ERO1A: variants seen among roughly 807,000 people sequenced by gnomAD.
ERO1A encodes endoplasmic reticulum oxidoreductase 1 alpha, also known as ERO1-like protein alpha.
ERO1A carries 49 observed loss-of-function variants against 76.9 expected under a neutral mutation model. The observed-to-expected ratio is 0.64, with a 90% CI of 0.51 to 0.81. The LOEUF (loss-of-function observed/expected upper bound fraction) is 0.81, where lower values mean the gene tolerates loss of function less well. Among genes scored for constraint, ERO1A ranks in the 30% least tolerant of loss-of-function variants. The pLI, the probability that ERO1A is intolerant of heterozygous loss-of-function variation, is 0.00. For synonymous variants in ERO1A, 174 were observed against 181.2 expected (o/e 0.96, Z 0.32); for missense variants, 448 against 542.1 (o/e 0.83, Z 1.72).
chr14:52,656,091 C>A (rs908659551), intron 11 of ERO1A, among the ~76,000 whole-genome samples: 2 of 152,134 alleles, frequency 1.3e-5, no homozygotes, highest in Non-Finnish European at 2.9e-5. Flanking sequence ...TCTTGAACTT[C>A]TATTAACTAT....
chr14:52,695,433 G>T lies in ERO1A; in HGVS notation c.49C>A (p.Leu17Met). 6.4e-7 allele frequency: 1 copy of T among 1,552,556 alleles called. No individual in the cohort carries two copies. ...FLFGLLGAVWLLSSGHGEEQP... is the reference protein window; with the variant it reads ...FLFGLLGAVWMLSSGHGEEQP... ...TCCTCTCCGTGGCCCGAGCTGAGCA[G>T]CCACACGGCGCCCAGGAGGCCAAAC... The change falls in exon 1 of 16, where the codon CTG becomes ATG. Residue 17 changes from leucine (L) to methionine (M), a missense_variant. Leu to Met is a conservative substitution (Grantham distance 15). This residue lies in a region of ERO1A where 146 missense variants were observed against 130.2 expected (regional missense o/e 1.12). Coordinates refer to ENST00000395686, the MANE Select transcript of ERO1A (RefSeq NM_014584.3).
At chr14:52,651,086 T>G (rs1030031042) in intron 13 of ERO1A, among the ~76,000 whole-genome samples, 5 of 110,554 alleles carry the variant, frequency 4.5e-5, no homozygotes, top group African/African-American at 1.1e-4. Context: ...CTGGGCAACA[T>G]AGCAAAACCC....
chr14:52,655,343 C>T (rs1302411372), intron 11 of ERO1A, among the ~76,000 whole-genome samples: 1 of 150,850 alleles, frequency 6.6e-6, no homozygotes, highest in Non-Finnish European at 1.5e-5. Context: ...CCAGCCTGGG[C>T]GACAGAGCAA....
At chr14:52,693,505 T>C (rs2041428234) in intron 1 of ERO1A, among the ~76,000 whole-genome samples, 2 of 152,142 alleles carry the variant, frequency 1.3e-5, no homozygotes, top group Non-Finnish European at 2.9e-5. Flanking sequence ...TCCCTTTATA[T>C]ATATATTCCA....
intron 9 of ERO1A, 162 bp from the exon 10 acceptor site, chr14:52,658,312 A>G (rs936530410): frequency 5.1e-6 from 3 of 587,910 alleles, no homozygotes; most frequent in Non-Finnish European, 9.1e-6. Flanking sequence ...AAGGAAGAAG[A>G]AAGGTTATGG....
At chr14:52,654,329 GA>G (rs2039974274) in intron 11 of ERO1A, among the ~76,000 whole-genome samples, 2 of 152,048 alleles carry the variant, frequency 1.3e-5, no homozygotes, top group Non-Finnish European at 2.9e-5. Flanking sequence ...ACAATTTTTA[GA>G]TGTATTTCCA....
chr14:52,645,156 AAAC>A (rs1226535547), intron 15 of ERO1A, among the ~76,000 whole-genome samples: 1 of 152,228 alleles, frequency 6.6e-6, no homozygotes, highest in African/African-American at 2.4e-5. Context: ...CACCTATGTT[AAAC>A]AACATGATTT....
chr14:52,691,652 G>C (rs1231103397), intron 1 of ERO1A, among the ~76,000 whole-genome samples: 1 of 152,164 alleles, frequency 6.6e-6, no homozygotes, highest in Non-Finnish European at 1.5e-5. Flanking sequence ...TGCGCTCCAA[G>C]CTAAAAAAGA....
intron 2 of ERO1A, among the ~76,000 whole-genome samples, chr14:52,683,243 C>A (rs1237045515): frequency 1.3e-5 from 2 of 151,822 alleles, no homozygotes; most frequent in Non-Finnish European, 2.9e-5. Flanking sequence ...ACTAAATAGA[C>A]CCTGAACAGA....
Position 52,646,276 on chromosome 14 carries a change from CA to C in ERO1A, c.1223del (p.Leu408TrpfsTer5). ...AAAATAAGATCTTCAGAGCAGTGCCCAAACCCTGAGTCTGTAATAGAAATAA... is the reference window on the plus strand; with the variant it reads ...AAAATAAGATCTTCAGAGCAGTGCCCAACCCTGAGTCTGTAATAGAAATAA... ...RLWGKLQTQG[L>X]GTALKILFSE... On this transcript the variant is annotated frameshift_variant, in exon 15 of 16. Transcript: ENST00000395686. LOFTEE classifies it high-confidence loss of function. 6.2e-7 allele frequency: 1 copy of C among 1,611,090 alleles called. No homozygotes were observed. Among genetic ancestry groups the C allele is most frequent in the South Asian group, 1.1e-5 (1 of 90,158 alleles).
At chr14:52,657,203 G>A (rs1482964053) in intron 11 of ERO1A, among the ~76,000 whole-genome samples, 4 of 152,112 alleles carry the variant, frequency 2.6e-5, no homozygotes, top group Admixed American at 2.6e-4. Flanking sequence ...AATAAAAAGT[G>A]GACTATAAAT....
chr14:52,653,819 T>C (rs775896410), intron 11 of ERO1A, among the ~76,000 whole-genome samples: 46 of 151,984 alleles, frequency 3.0e-4, no homozygotes, highest in Non-Finnish European at 5.9e-4. Context: ...TGCTTAAACA[T>C]TTAAAAAAAT....
intron 13 of ERO1A, among the ~76,000 whole-genome samples, chr14:52,649,249 G>A (rs1259132770): frequency 6.6e-6 from 1 of 152,070 alleles, no homozygotes; most frequent in Non-Finnish European, 1.5e-5. Flanking sequence ...TACTTTACAA[G>A]TCTTCAAATG....
chr14:52,681,065 T>C (rs1375975164), intron 3 of ERO1A, among the ~76,000 whole-genome samples: 3 of 152,204 alleles, frequency 2.0e-5, no homozygotes, highest in Admixed American at 2.0e-4. Context: ...ACAGCCACTG[T>C]TGAAGACAGT....
chr14:52,672,683 T>A (rs570927797), intron 4 of ERO1A, among the ~76,000 whole-genome samples: 14 of 151,082 alleles, frequency 9.3e-5, no homozygotes, highest in African/African-American at 3.4e-4. Flanking sequence ...GGTGGCAGGA[T>A]TGCTTGAGCC....
At chr14:52,651,988 A>AATTTTTTT (rs2039884203) in intron 13 of ERO1A, among the ~76,000 whole-genome samples, 1 of 124,764 alleles carries the variant, frequency 8.0e-6, no homozygotes, top group Non-Finnish European at 1.7e-5. Context: ...TCTACTCTCT[A>AATTTTTTT]CTTTTTTTTT....
rs559971074 is a variant in ERO1A at position 52,669,792 on chromosome 14, G to A, written c.508+1838C>T. On this transcript the variant is annotated intron_variant, in intron 6 of 15. Coordinates refer to ENST00000395686, the MANE Select transcript of ERO1A (RefSeq NM_014584.3). ...TAAGTATATACCAAAACATGGCTAC[G>A]GTTTCCATTAAGGAAAGCAATTTTC... 2.0e-4 allele frequency among the ~76,000 whole-genome samples: 31 copies of A among 152,144 alleles called. No individual in the cohort carries two copies. The South Asian group carries it at 2.5e-3, about 12-fold the overall frequency.
intron 9 of ERO1A, 70 bp from the exon 10 acceptor site, chr14:52,658,220 A>C (rs2040116218): frequency 9.0e-7 from 1 of 1,113,416 alleles, no homozygotes; most frequent in African/African-American, 1.6e-5. Context: ...AAAAGTTTTA[A>C]AGCATTATAG....
intron 8 of ERO1A, among the ~76,000 whole-genome samples, chr14:52,663,503 G>A (rs945393016): frequency 8.6e-5 from 13 of 151,810 alleles, no homozygotes; most frequent in African/African-American, 2.7e-4. Context: ...AGGAGGCTGC[G>A]GCAGGAGAAT....
Sources: gnomAD v4.1 joint callset for allele counts (sites outside exome capture counted in the v4.1 genomes callset) on GRCh38, gnomAD v4.1.1 for gene constraint, gnomAD v4.1.1 regional missense constraint, MANE v1.5 for transcripts, NCBI Gene and HGNC (gene_info 2026-07-23, HGNC 2026-07-21) for gene names.